The following FIP1L1 variants were observed in gnomAD, a reference collection of about 807,000 sequenced individuals.
The protein encoded by FIP1L1 is factor interacting with PAPOLA and CPSF1.
In FIP1L1, 21 loss-of-function variants were observed where a neutral mutation model predicts 84.6. The ratio of observed to expected loss-of-function variants is 0.25; its 90% CI spans 0.18 to 0.36. The LOEUF is 0.36. FIP1L1 is among the 10% of genes least tolerant of loss of function. The pLI is 1.00. For synonymous variants in FIP1L1, 263 were observed against 242.3 expected (o/e 1.09, Z -0.80); for missense variants, 526 against 751.1 (o/e 0.70, Z 3.50).
intron 13 of FIP1L1, among the ~76,000 whole-genome samples, chr4:53,441,396 G>T (rs954617094): frequency 6.6e-6 from 1 of 151,846 alleles, no homozygotes; most frequent in African/African-American, 2.4e-5. Context: ...TACAGACATT[G>T]ATTATGTGTG....
chr4:53,450,574 A>G (rs1005877985), intron 15 of FIP1L1, among the ~76,000 whole-genome samples: 12 of 152,102 alleles, frequency 7.9e-5, no homozygotes, highest in African/African-American at 2.7e-4. Context: ...AATCCTAGCT[A>G]TTTGGGAGGC....
chr4:53,384,746 A>AT (rs1376620506), intron 5 of FIP1L1, among the ~76,000 whole-genome samples: 1 of 152,214 alleles, frequency 6.6e-6, no homozygotes, highest in Non-Finnish European at 1.5e-5. Context: ...TGAAGTACGA[A>AT]TTGTGATTTA....
Position 53,460,739 on chromosome 4 carries a change from AATC to A in FIP1L1, c.*1293_*1295del, listed in dbSNP as rs1223963274. ...AAACTAGTAGTTTTAATTTTTTTGG[AATC>A]ATATTTTCTGAGGTGTAACTGGCTT... On this transcript the variant is annotated 3_prime_UTR_variant, in exon 18 of 18. Coordinates refer to ENST00000337488, the MANE Select transcript of FIP1L1 (RefSeq NM_030917.4). 1.6e-6 allele frequency: 1 copy of A among 629,706 alleles called. No homozygotes were observed. The highest frequency in any genetic ancestry group is 3.2e-5 in the East Asian group (1 of 30,978). The allele number at this position is 629,706 out of a possible 1,614,324, so 39.0% of individuals were successfully genotyped here.
chr4:53,446,163 A>T (rs1315855611), intron 15 of FIP1L1, among the ~76,000 whole-genome samples: 3 of 151,240 alleles, frequency 2.0e-5, no homozygotes, highest in Admixed American at 6.6e-5. Flanking sequence ...ATGTTGACTT[A>T]CTTGTTTCAA....
At chr4:53,378,063 C>A in intron 1 of FIP1L1, 140 bp downstream of exon 1, 2 of 677,228 alleles carry the variant, frequency 3.0e-6, no homozygotes, top group Admixed American at 3.8e-5. Flanking sequence ...TTAGGCCGAG[C>A]GCGGCGTGCG....
intron 11 of FIP1L1, among the ~76,000 whole-genome samples, 185 bp downstream of exon 11, chr4:53,414,907 C>T (rs1430452929): frequency 2.6e-5 from 4 of 152,066 alleles, no homozygotes; most frequent in African/African-American, 9.7e-5. Context: ...TGTCTTGCTA[C>T]CCATCTTTCT....
intron 9 of FIP1L1, among the ~76,000 whole-genome samples, chr4:53,399,197 A>G (rs1316546616): frequency 2.0e-5 from 3 of 152,214 alleles, no homozygotes; most frequent in African/African-American, 7.2e-5. Flanking sequence ...CTGAACTGTC[A>G]GGATGATGGT....
chr4:53,406,771 T>G (rs1014288616), intron 10 of FIP1L1, among the ~76,000 whole-genome samples: 2 of 152,258 alleles, frequency 1.3e-5, no homozygotes, highest in Non-Finnish European at 2.9e-5. Flanking sequence ...TATCCATGTC[T>G]TCTAGATTTT....
chr4:53,398,463 A>AT (rs1748562453), intron 9 of FIP1L1, among the ~76,000 whole-genome samples: 1 of 152,174 alleles, frequency 6.6e-6, no homozygotes, highest in African/African-American at 2.4e-5. Context: ...TCACATAATG[A>AT]TTAGTTGGGA....
At chr4:53,422,759 G>T (rs1269265567) in intron 11 of FIP1L1, among the ~76,000 whole-genome samples, 1 of 151,608 alleles carries the variant, frequency 6.6e-6, no homozygotes, top group African/African-American at 2.4e-5. Flanking sequence ...TTGTTGCCCA[G>T]TCTGGAGTGC....
chr4:53,434,066 G>A (rs1767976504), intron 13 of FIP1L1, among the ~76,000 whole-genome samples: 2 of 152,042 alleles, frequency 1.3e-5, no homozygotes, highest in South Asian at 4.1e-4. Flanking sequence ...CTTTAGCACA[G>A]CAGTTCTCAA....
chr4:53,398,743 A>T (rs1258230004), intron 9 of FIP1L1, among the ~76,000 whole-genome samples: 3 of 152,244 alleles, frequency 2.0e-5, no homozygotes, highest in Non-Finnish European at 2.9e-5. Context: ...AGTCATTTCA[A>T]CAGACTAGAG....
At chr4:53,418,858 A>G (rs1760966135) in intron 11 of FIP1L1, among the ~76,000 whole-genome samples, 4 of 152,342 alleles carry the variant, frequency 2.6e-5, no homozygotes, top group Admixed American at 2.6e-4. Context: ...TGAATATTAT[A>G]TCTAAGAATG....
At chr4:53,453,851 T>C (rs1015233565) in intron 16 of FIP1L1, among the ~76,000 whole-genome samples, 2 of 152,214 alleles carry the variant, frequency 1.3e-5, no homozygotes, top group African/African-American at 4.8e-5. Flanking sequence ...TTAAAAACAC[T>C]ATAGTGATTT....
chr4:53,422,283 AT>A (rs370036800), intron 11 of FIP1L1, among the ~76,000 whole-genome samples: 2 of 151,588 alleles, frequency 1.3e-5, no homozygotes, highest in African/African-American at 4.8e-5. Flanking sequence ...TAGTGTCACC[AT>A]TTTTCCTTTT....
intron 13 of FIP1L1, chr4:53,440,858 G>T: frequency 2.3e-6 from 1 of 434,126 alleles, no homozygotes; most frequent in Non-Finnish European, 4.2e-6. Context: ...AATTTGTGAA[G>T]AAAACAGTAT....
chr4:53,445,617 GTGGAAAGGCAATATATACTATA>G (rs1219895192), intron 15 of FIP1L1, among the ~76,000 whole-genome samples: 1 of 152,144 alleles, frequency 6.6e-6, no homozygotes, highest in Non-Finnish European at 1.5e-5. Flanking sequence ...GCAACCAGTT[GTGGAAAGGCAATATATACTATA>G]TAAAGGCTAG....
chr4:53,452,143 A>C lies in FIP1L1; in HGVS notation c.1286-777A>C, dbSNP rs536383413. On this transcript the variant is annotated intron_variant, in intron 15 of 17. Transcript: ENST00000337488. ...ATGATCCACCCACCTCGGCCTCCCA[A>C]AGTGTTGGGATTACAGGCATGAGCC... 2.6e-5 allele frequency among the ~76,000 whole-genome samples: 4 copies of C among 152,054 alleles called. No individual in the cohort carries two copies. In the East Asian group the frequency reaches 7.8e-4, roughly 30 times the overall value.
intron 9 of FIP1L1, among the ~76,000 whole-genome samples, chr4:53,396,913 G>A (rs1747701545): frequency 7.9e-5 from 1 of 12,696 alleles, no homozygotes; most frequent in South Asian, 8.5e-3. Flanking sequence ...ATTTCAGATT[G>A]AGCATTTTTT....
Sources: gnomAD v4.1 joint callset for allele counts (sites outside exome capture counted in the v4.1 genomes callset) on GRCh38, gnomAD v4.1.1 for gene constraint, MANE v1.5 for transcripts, NCBI Gene and HGNC (gene_info 2026-07-23, HGNC 2026-07-21) for gene names.